Variants in TSC2 observed in about 807,000 individuals in gnomAD.
TSC2 encodes the protein tuberin.
A neutral mutation model predicts 202.2 loss-of-function variants in TSC2; 29 were observed. The ratio of observed to expected loss-of-function variants is 0.14; its 90% CI spans 0.11 to 0.20. The LOEUF is 0.20. Ranked by LOEUF, TSC2 falls within the 10% of genes least tolerant of loss-of-function variation. The probability of loss-of-function intolerance (pLI) is 1.00; values close to 1 mark genes in which losing one functional copy is unlikely to be tolerated. For synonymous variants in TSC2, 1,349 were observed against 1,044.0 expected (o/e 1.29, Z -5.63); for missense variants, 2,429 against 2,420.0 (o/e 1.00, Z -0.08).
chr16:2,056,078 AC>A (rs2085770311), intron 6 of TSC2, 117 bp from the exon 7 acceptor site: 3 of 1,335,016 alleles, frequency 2.2e-6, no homozygotes, highest in African/African-American at 2.9e-5. Context: ...GGTGGGTGGG[AC>A]CCCCAGGGAG....
chr16:2,081,591 G>T lies in TSC2; in HGVS notation c.3611-4G>T, dbSNP rs368926908. 1 of 1,612,882 alleles carries T rather than the reference G, an allele frequency of 6.2e-7. No individual in the cohort carries two copies. The highest frequency in any genetic ancestry group is 1.3e-5 in the African/African-American group (1 of 75,062). ...TCAGGCCAAAGGTGCTGCCGCCTCC[G>T]CAGGGAACACCAGCTGGCTGATGAG... is the stretch of plus-strand genomic sequence containing the variant. On this transcript the variant is annotated splice_region_variant and splice_polypyrimidine_tract_variant and intron_variant, in intron 30 of 41. Transcript: ENST00000219476.
chr16:2,049,180 G>A (rs114419805), intron 2 of TSC2, among the ~76,000 whole-genome samples: 2,142 of 152,166 alleles, frequency 0.014, 60 homozygotes, highest in African/African-American at 0.049. Flanking sequence ...CTGCCTCCCA[G>A]TTTCAAGTGG....
rs751305758 is a variant in TSC2 at position 2,086,276 on chromosome 16, C to A, written c.4746C>A (p.Ile1582=). The A allele has an allele frequency of 6.2e-7, 1 of 1,612,860 alleles. No individual in the cohort carries two copies. Among genetic ancestry groups the A allele is most frequent in the South Asian group, 1.1e-5 (1 of 91,088 alleles). The change falls in exon 37 of 42, where the codon ATC becomes ATA. Residue 1582 remains isoleucine (I), a synonymous_variant. Transcript: ENST00000219476. ...TCCTGACGGGCCTGGGCCGGCTCATCGAGCTGAAGGACTGCCAGCCGGACA... is the reference window on the plus strand; with the variant it reads ...TCCTGACGGGCCTGGGCCGGCTCATAGAGCTGAAGGACTGCCAGCCGGACA... The part of the protein sequence containing the change: ...TEFLTGLGRL[I]ELKDCQPDKV...
At chr16:2,072,401 G>C (rs1420773766) in intron 20 of TSC2, 38 bp downstream of exon 20, 2 of 1,612,196 alleles carry the variant, frequency 1.2e-6, no homozygotes, top group Admixed American at 1.7e-5. Context: ...GGGGGACCCA[G>C]TAGGGTTTTT....
rs1463203351 is a variant in TSC2, at chr16:2,084,333, T to C, written c.4111T>C (p.Ser1371Pro). Reference sequence around the variant, plus strand: ...CGTCTCCTCGGAGGGTGGCCGGCCCTCTGTGGACCTCTCCTTCCAGCCCTC... The same window carrying C: ...CGTCTCCTCGGAGGGTGGCCGGCCCCCTGTGGACCTCTCCTTCCAGCCCTC... ...RVVSSEGGRP[S>P]VDLSFQPSQP... The change falls in exon 34 of 42, where the codon TCT (serine) becomes CCT (proline). Residue 1371 changes from serine to proline, a missense_variant. Transcript: ENST00000219476. 1 of 1,612,700 alleles carries C rather than the reference T, an allele frequency of 6.2e-7. No homozygotes were observed. Among genetic ancestry groups the C allele is most frequent in the Non-Finnish European group, 8.5e-7 (1 of 1,179,962 alleles).
chr16:2,079,602 C>G lies in TSC2; in HGVS notation c.3330C>G (p.Ala1110=), dbSNP rs1555510912. ...VHVRQTKEAP[A]KLESQAGQQV... is the part of the protein sequence containing the mutation. ...TGAGACAGACCAAGGAGGCGCCGGC[C>G]AAGCTGGAGTCCCAGGCTGGGCAGC... is the stretch of plus-strand genomic sequence containing the variant. The change falls in exon 29 of 42, where the codon GCC becomes GCG. Residue 1110 remains alanine (A), a synonymous_variant. Coordinates refer to ENST00000219476, the MANE Select transcript of TSC2 (RefSeq NM_000548.5). The surrounding 1 kb of genome is among the most constrained non-coding windows in gnomAD (Gnocchi z 4.6). The G allele has an allele frequency of 6.2e-7, 1 of 1,611,570 alleles. No homozygotes were observed. The highest frequency in any genetic ancestry group is 8.5e-7 in the Non-Finnish European group (1 of 1,179,522).
intron 4 of TSC2, 73 bp from the exon 5 acceptor site, chr16:2,054,223 A>G: frequency 6.8e-6 from 11 of 1,611,384 alleles, no homozygotes; most frequent in Non-Finnish European, 8.5e-6. Context: ...GTGCCCCTGC[A>G]CTTCAGGGAC....
In TSC2 at chr16:2,065,509, C is replaced by G. The variant is rs768188836; in HGVS notation, c.1600-10C>G. On this transcript the variant is annotated splice_polypyrimidine_tract_variant and intron_variant, in intron 15 of 41. Transcript: ENST00000219476. ...GAGCCTGTGTGTAAGTCCTGGCCTT[C>G]TCTTCAAAGGTGATGGCCCGCTCCC... 6.3e-7 allele frequency: 1 copy of G among 1,599,864 alleles called. No homozygotes were observed. The highest frequency in any genetic ancestry group is 8.5e-7 in the Non-Finnish European group (1 of 1,170,942).
chr16:2,070,382 C>G (rs2088096875), intron 16 of TSC2, 74 bp from the exon 17 acceptor site: 3 of 1,612,324 alleles, frequency 1.9e-6, no homozygotes, highest in Non-Finnish European at 2.5e-6. Context: ...GGCCCCTGCT[C>G]CGGGACAAGG....
rs553151359 is a variant in TSC2, at chr16:2,084,088, C to T, written c.4006-140C>T. The T allele has an allele frequency of 4.1e-3, 5,918 of 1,460,726 alleles. 265 individuals carry two copies. In the South Asian group the frequency reaches 0.068, roughly 17 times the overall value. The allele number at this position is 1,460,726 out of a possible 1,614,324, so 90.5% of individuals were successfully genotyped here. On this transcript the variant is annotated intron_variant, in intron 33 of 41. Coordinates refer to ENST00000219476, the MANE Select transcript of TSC2 (RefSeq NM_000548.5). Reference sequence around the variant, plus strand: ...GTGGCAGTGCTGCTGCGTCAACGGGCGGGGGCCGTAGCCTGGTGCTCGGGC... The same window carrying T: ...GTGGCAGTGCTGCTGCGTCAACGGGTGGGGGCCGTAGCCTGGTGCTCGGGC...
At chr16:2,070,427 C>T (rs374364391) in intron 16 of TSC2, 29 bp from the exon 17 acceptor site, 4 of 1,613,136 alleles carry the variant, frequency 2.5e-6, no homozygotes, top group Admixed American at 1.7e-5. Flanking sequence ...ACCTCCTGCG[C>T]CGTGGTGAGC....
At position 2,088,637 on chromosome 16, in the gene TSC2, C is replaced by T. The variant is rs370169726; in HGVS notation, c.*27C>T. 6.9e-6 allele frequency: 11 copies of T among 1,592,406 alleles called. No individual in the cohort carries two copies. In the African/African-American group the frequency reaches 1.3e-4, roughly 19 times the overall value. On this transcript the variant is annotated 3_prime_UTR_variant, in exon 42 of 42. Transcript: ENST00000219476. ...GCCGGGGCCCTCCCTCCTGCACTGGCCTTGGACGGTATTGCCTGTCAGTGA... is the reference window on the plus strand; with the variant it reads ...GCCGGGGCCCTCCCTCCTGCACTGGTCTTGGACGGTATTGCCTGTCAGTGA...
chr16:2,080,976 A>G (rs1426694667), intron 30 of TSC2: 1 of 171,018 alleles, frequency 5.8e-6, no homozygotes, highest in African/African-American at 2.4e-5. Flanking sequence ...AATCCTTGGC[A>G]TGCAGTTGGT....
intron 33 of TSC2, 129 bp downstream of exon 33, chr16:2,083,945 C>T (rs1420243560): frequency 3.0e-5 from 43 of 1,436,628 alleles, no homozygotes; most frequent in Admixed American, 4.8e-5. Flanking sequence ...TTCCACATCC[C>T]TCGTGCACAG....
intron 32 of TSC2, chr16:2,082,933 G>A (rs2090315251): frequency 1.3e-5 from 5 of 375,672 alleles, no homozygotes. Context: ...TCAAGTCCCA[G>A]GTTGACCAGG....
chr16:2,071,749 G>A (rs1422414152), intron 18 of TSC2, 35 bp from the exon 19 acceptor site: 2 of 1,601,046 alleles, frequency 1.2e-6, no homozygotes, highest in East Asian at 2.3e-5. Context: ...CCTGCTGCGG[G>A]GACTTGGCCT....
intron 14 of TSC2, chr16:2,063,327 G>A (rs889584839): frequency 3.4e-6 from 2 of 580,342 alleles, no homozygotes; most frequent in Non-Finnish European, 6.2e-6. Context: ...CCCAACACAG[G>A]AGCCTCTTAA....
At chr16:2,083,580 G>T (rs1305864488) in intron 32 of TSC2, 115 bp from the exon 33 acceptor site, 1 of 1,506,540 alleles carries the variant, frequency 6.6e-7, no homozygotes, top group Admixed American at 2.0e-5. Context: ...GAGCCCTGGG[G>T]AGGCTCGCAG....
At chr16:2,078,657 GGA>G in intron 26 of TSC2, 1 of 359,614 alleles carries the variant, frequency 2.8e-6, no homozygotes, top group Non-Finnish European at 5.3e-6. Flanking sequence ...TGTGCTTGCC[GGA>G]GGCAGCCTGC....
Sources: gnomAD v4.1 joint callset for allele counts (sites outside exome capture counted in the v4.1 genomes callset) on GRCh38, gnomAD v4.1.1 for gene constraint, Gnocchi (gnomAD v3.1) non-coding constraint, MANE v1.5 for transcripts, NCBI Gene and HGNC (gene_info 2026-07-23, HGNC 2026-07-21) for gene names.